The following LRRC8D variants were observed in gnomAD, a reference collection of about 807,000 sequenced individuals.
LRRC8D encodes the protein volume-regulated anion channel subunit LRRC8D.
Under a neutral mutation model 55.8 loss-of-function variants are expected in LRRC8D, and 20 were observed. The ratio of observed to expected loss-of-function variants is 0.36; its 90% confidence interval spans 0.25 to 0.52. The LOEUF is 0.52. Among genes scored for constraint, LRRC8D ranks in the 20% least tolerant of loss-of-function variants. LRRC8D has a pLI of 0.93. For missense variants in LRRC8D, 651 were observed against 1,030.8 expected (o/e 0.63, Z 5.05); for synonymous variants, 352 against 377.0 (o/e 0.93, Z 0.77).
chr1:89,865,823 A>G (rs1033424904), intron 2 of LRRC8D, among the ~76,000 whole-genome samples: 2 of 152,220 alleles, frequency 1.3e-5, no homozygotes, highest in Non-Finnish European at 2.9e-5. Context: ...TATCTAATTC[A>G]ACTATTGGCA....
chr1:89,900,017 C>T (rs1662810858), intron 2 of LRRC8D, among the ~76,000 whole-genome samples: 1 of 152,146 alleles, frequency 6.6e-6, no homozygotes, highest in African/African-American at 2.4e-5. Context: ...GAGAATCTTA[C>T]AGCTTTAGTG....
chr1:89,909,981 A>G (rs568165412), intron 2 of LRRC8D, among the ~76,000 whole-genome samples: 2 of 152,288 alleles, frequency 1.3e-5, no homozygotes, highest in African/African-American at 4.8e-5. Context: ...AATCATAGCT[A>G]AGGTACTATT....
intron 2 of LRRC8D, among the ~76,000 whole-genome samples, chr1:89,913,765 T>C (rs917194239): frequency 2.0e-5 from 3 of 152,252 alleles, no homozygotes; most frequent in Non-Finnish European, 4.4e-5. Flanking sequence ...ATTCCTTTCC[T>C]GCTCTCTTGT....
chr1:89,900,179 C>T (rs537037686), intron 2 of LRRC8D, among the ~76,000 whole-genome samples: 5 of 152,066 alleles, frequency 3.3e-5, no homozygotes, highest in Non-Finnish European at 7.3e-5. Flanking sequence ...TGATGGCAGG[C>T]AAAGACAGGT....
intron 2 of LRRC8D, among the ~76,000 whole-genome samples, chr1:89,903,353 T>C (rs544341290): frequency 6.6e-6 from 1 of 152,348 alleles, no homozygotes; most frequent in East Asian, 1.9e-4. Context: ...TGCTTCACCT[T>C]TAATATATTA....
rs961316298 is a variant in LRRC8D, at chr1:89,934,133, C to A, written c.1065C>A (p.Thr355=). 10 of 1,613,998 alleles carry A rather than the reference C, an allele frequency of 6.2e-6. No homozygotes were observed. Among genetic ancestry groups the A allele is most frequent in the Middle Eastern group, 1.6e-4 (1 of 6,084 alleles). The change falls in exon 3 of 3, where the codon ACC becomes ACA. Residue 355 remains threonine (T), a synonymous_variant. Transcript: ENST00000337338. The surrounding 1 kb of genome is among the most constrained non-coding windows in gnomAD (Gnocchi z 5.9). ...TTGGTTATGAGGTATTTGAGTGCAC[C>A]CACAATATGGCTTACATGTTGAAAA... ...HLIGYEVFEC[T]HNMAYMLKKL... is the part of the protein sequence containing the mutation.
intron 2 of LRRC8D, among the ~76,000 whole-genome samples, chr1:89,916,013 A>G (rs1414326201): frequency 6.6e-6 from 1 of 152,208 alleles, no homozygotes; most frequent in East Asian, 1.9e-4. Flanking sequence ...ATGTTTGTTT[A>G]TATTTTGGAC....
intron 2 of LRRC8D, among the ~76,000 whole-genome samples, chr1:89,848,864 A>T (rs1440841398): frequency 6.6e-6 from 1 of 151,804 alleles, no homozygotes; most frequent in Non-Finnish European, 1.5e-5. Flanking sequence ...CACGCTGGCT[A>T]ATTTTTTGTA....
intron 2 of LRRC8D, among the ~76,000 whole-genome samples, chr1:89,930,146 G>A (rs540780292): frequency 2.6e-5 from 4 of 152,228 alleles, no homozygotes; most frequent in African/African-American, 7.2e-5. Flanking sequence ...GTTGAGGACC[G>A]CTGCCCTACT....
intron 1 of LRRC8D, chr1:89,842,911 G>A (rs1661170525): frequency 6.6e-6 from 1 of 152,240 alleles, no homozygotes; most frequent in Admixed American, 6.5e-5. Context: ...ATAAATGTTG[G>A]TAGACTGTGA....
chr1:89,907,592 G>A (rs1663030009), intron 2 of LRRC8D, among the ~76,000 whole-genome samples: 1 of 152,130 alleles, frequency 6.6e-6, no homozygotes, highest in Non-Finnish European at 1.5e-5. Context: ...CATTTTCTCA[G>A]AGTTTTAGCC....
chr1:89,935,437 TC>T lies in LRRC8D; in HGVS notation c.2372del (p.Pro791GlnfsTer15). 6.2e-7 allele frequency: 1 copy of T among 1,614,210 alleles called. No homozygotes were observed. Among genetic ancestry groups the T allele is most frequent in the Non-Finnish European group, 8.5e-7 (1 of 1,180,026 alleles). On this transcript the variant is annotated frameshift_variant, in exon 3 of 3. Transcript: ENST00000337338. LOFTEE classifies it high-confidence loss of function. ...CTGGGACAGAACTGCATCACCTCAC[TC>T]CCAGAGAAAGTTGGTCAGCTCTCCC... ...LNLGQNCITSLPEKVGQLSQL... is the reference protein window; with the variant it reads ...LNLGQNCITSXPEKVGQLSQL...
chr1:89,833,116 G>A (rs1364424387), intron 1 of LRRC8D, among the ~76,000 whole-genome samples: 2 of 152,178 alleles, frequency 1.3e-5, no homozygotes, highest in Non-Finnish European at 2.9e-5. Flanking sequence ...TCACAACAAC[G>A]ACGAACATAA....
At chr1:89,831,201 T>A (rs1332671251) in intron 1 of LRRC8D, among the ~76,000 whole-genome samples, 1 of 152,182 alleles carries the variant, frequency 6.6e-6, no homozygotes, top group East Asian at 1.9e-4. Context: ...CCACCACGCC[T>A]GGCCCACAAT....
chr1:89,923,235 G>A (rs902600544), intron 2 of LRRC8D, among the ~76,000 whole-genome samples: 4 of 152,130 alleles, frequency 2.6e-5, no homozygotes, highest in East Asian at 1.9e-4. Flanking sequence ...ATCCACTTCC[G>A]CATAATGTAA....
chr1:89,837,803 C>T (rs60266648), intron 1 of LRRC8D, among the ~76,000 whole-genome samples: 4,637 of 152,228 alleles, frequency 0.03, 235 homozygotes, highest in African/African-American at 0.11. Context: ...GGCTATTCCA[C>T]TACAGGCAAA....
At chr1:89,836,048 T>C (rs181407671) in intron 1 of LRRC8D, among the ~76,000 whole-genome samples, 3 of 152,298 alleles carry the variant, frequency 2.0e-5, no homozygotes, top group Admixed American at 1.3e-4. Flanking sequence ...TTAAAACCCA[T>C]ATCTGGTCAA....
At chr1:89,932,601 A>G (rs1056345213) in intron 2 of LRRC8D, among the ~76,000 whole-genome samples, 2 of 152,258 alleles carry the variant, frequency 1.3e-5, no homozygotes, top group African/African-American at 4.8e-5. Flanking sequence ...TTAAGGAATC[A>G]ACCATTAGTA....
At chr1:89,908,047 C>A (rs1663038562) in intron 2 of LRRC8D, among the ~76,000 whole-genome samples, 1 of 152,140 alleles carries the variant, frequency 6.6e-6, no homozygotes, top group Non-Finnish European at 1.5e-5. Context: ...AGTTAGGACA[C>A]AACTTTCCCA....
Sources: allele counts gnomAD v4.1 joint callset (sites outside exome capture counted in the v4.1 genomes callset), GRCh38; gene constraint gnomAD v4.1.1; non-coding constraint Gnocchi (gnomAD v3.1); transcripts MANE v1.5; gene names NCBI Gene and HGNC (gene_info 2026-07-23, HGNC 2026-07-21).